PPFIBP1: variants seen among roughly 807,000 people sequenced by gnomAD.
PPFIBP1 encodes PPFIB scaffold protein 1.
A neutral mutation model predicts 137.8 loss-of-function variants in PPFIBP1; 112 were observed. The observed-to-expected ratio is 0.81, with a 90% CI of 0.70 to 0.95. The LOEUF (loss-of-function observed/expected upper bound fraction) is 0.95, where lower values mean the gene tolerates loss of function less well. Among genes scored for constraint, PPFIBP1 ranks in the 40% least tolerant of loss-of-function variants. The probability of loss-of-function intolerance (pLI) is 0.00; values close to 1 mark genes in which losing one functional copy is unlikely to be tolerated. For synonymous variants in PPFIBP1, 378 were observed against 417.3 expected, an observed-to-expected ratio of 0.91 and a Z score of 1.15; for missense variants, 1,083 against 1,196.6, an observed-to-expected ratio of 0.91 and a Z score of 1.40.
chr12:27,585,849 G>A (rs114897266), intron 2 of PPFIBP1, among the ~76,000 whole-genome samples: 237 of 152,276 alleles, frequency 1.6e-3, no homozygotes, highest in African/African-American at 5.3e-3. Flanking sequence ...GGTAGCAAAA[G>A]CATTGGAGCA....
At chr12:27,576,095 G>A (rs1326207060) in intron 1 of PPFIBP1, among the ~76,000 whole-genome samples, 1 of 152,144 alleles carries the variant, frequency 6.6e-6, no homozygotes. Flanking sequence ...TTTCTCTGGA[G>A]CACATTCAGG....
At chr12:27,578,658 G>A (rs552774489) in intron 2 of PPFIBP1, among the ~76,000 whole-genome samples, 404 of 152,236 alleles carry the variant, frequency 2.7e-3, no homozygotes, top group African/African-American at 9.0e-3. Context: ...ATGAGGTATT[G>A]GTTTCTCACA....
In PPFIBP1 at chr12:27,692,657, G is replaced by T; in HGVS notation, c.2931+1G>T. ...CTCTGAAGGCATCAACAATCTGACG[G>T]TGAGTTTGTGAAATGAATTGAAAAT... On this transcript the variant is annotated splice_donor_variant, in intron 29 of 29. Coordinates refer to ENST00000228425, the MANE Select transcript of PPFIBP1 (RefSeq NM_003622.4). LOFTEE classifies it high-confidence loss of function. 1 of 1,614,112 alleles carries T rather than the reference G, an allele frequency of 6.2e-7. No homozygotes were observed. The highest frequency in any genetic ancestry group is 2.2e-5 in the East Asian group (1 of 44,888).
intron 24 of PPFIBP1, among the ~76,000 whole-genome samples, chr12:27,683,811 G>A (rs932083244): frequency 3.3e-5 from 5 of 150,712 alleles, no homozygotes; most frequent in African/African-American, 4.9e-5. Context: ...ATTTTGAGAC[G>A]GAGTCTCGCT....
chr12:27,554,459 G>A (rs1170484481), intron 1 of PPFIBP1, among the ~76,000 whole-genome samples: 1 of 152,168 alleles, frequency 6.6e-6, no homozygotes, highest in South Asian at 2.1e-4. Context: ...AGAGACAGCT[G>A]ATGACAGTCA....
At chr12:27,634,731 A>G (rs1303247091) in intron 3 of PPFIBP1, among the ~76,000 whole-genome samples, 179 bp from the exon 4 acceptor site, 2 of 152,124 alleles carry the variant, frequency 1.3e-5, no homozygotes, top group African/African-American at 4.8e-5. Context: ...CACTAACTAC[A>G]TGGTTTTAAT....
intron 2 of PPFIBP1, among the ~76,000 whole-genome samples, chr12:27,592,206 G>A (rs750636673): frequency 1.7e-4 from 26 of 152,176 alleles, no homozygotes; most frequent in African/African-American, 4.8e-4. Flanking sequence ...TGGAGCTGTC[G>A]TCCTTTCTGT....
intron 1 of PPFIBP1, among the ~76,000 whole-genome samples, chr12:27,559,926 C>T (rs956191387): frequency 9.9e-5 from 15 of 152,140 alleles, no homozygotes; most frequent in Non-Finnish European, 1.9e-4. Context: ...TTCTTTCTCC[C>T]CTCAGAAACA....
At chr12:27,652,823 G>C (rs1565945343) in intron 7 of PPFIBP1, among the ~76,000 whole-genome samples, 1 of 152,150 alleles carries the variant, frequency 6.6e-6, no homozygotes, top group African/African-American at 2.4e-5. Flanking sequence ...TATCACTAAG[G>C]ACTCATATTA....
intron 21 of PPFIBP1, 79 bp downstream of exon 21, chr12:27,680,140 C>T: frequency 6.5e-7 from 1 of 1,537,794 alleles, no homozygotes. Context: ...TTAGTACTGT[C>T]ATTGGGTTAA....
chr12:27,606,625 G>A (rs560756385), intron 2 of PPFIBP1, among the ~76,000 whole-genome samples: 3 of 152,266 alleles, frequency 2.0e-5, no homozygotes, highest in South Asian at 4.2e-4. Context: ...TGTCTGGGCC[G>A]AAAATAAACA....
intron 5 of PPFIBP1, among the ~76,000 whole-genome samples, chr12:27,646,672 A>G (rs376193563): frequency 3.2e-4 from 48 of 152,288 alleles, no homozygotes; most frequent in Non-Finnish European, 4.7e-4. Context: ...TAATTTTTCA[A>G]TTTTAAAAAT....
At chr12:27,621,250 T>G (rs1488464492) in intron 2 of PPFIBP1, among the ~76,000 whole-genome samples, 1 of 152,280 alleles carries the variant, frequency 6.6e-6, no homozygotes, top group Non-Finnish European at 1.5e-5. Context: ...TGAATGTGAC[T>G]GTGTTCCAAA....
chr12:27,635,626 C>A (rs2057605317), intron 4 of PPFIBP1: 1 of 167,194 alleles, frequency 6.0e-6, no homozygotes, highest in Admixed American at 5.6e-5. Flanking sequence ...GGCCTTTAAC[C>A]CATTTATGCG....
intron 1 of PPFIBP1, among the ~76,000 whole-genome samples, chr12:27,554,524 T>C (rs1486390949): frequency 6.6e-6 from 1 of 152,190 alleles, no homozygotes; most frequent in Non-Finnish European, 1.5e-5. Context: ...AAGTTGATAA[T>C]GCTTTAAATA....
chr12:27,561,750 C>T (rs763891820), intron 1 of PPFIBP1, among the ~76,000 whole-genome samples: 1 of 152,108 alleles, frequency 6.6e-6, no homozygotes, highest in Non-Finnish European at 1.5e-5. Flanking sequence ...TGCACTTGCT[C>T]TTCTCTCTGC....
chr12:27,563,591 A>T (rs1241290932), intron 1 of PPFIBP1, among the ~76,000 whole-genome samples: 4 of 152,010 alleles, frequency 2.6e-5, no homozygotes, highest in Non-Finnish European at 5.9e-5. Flanking sequence ...CTTTGAAGGG[A>T]CCATAAGCCA....
At chr12:27,628,493 T>A (rs2057015952) in intron 2 of PPFIBP1, among the ~76,000 whole-genome samples, 1 of 152,174 alleles carries the variant, frequency 6.6e-6, no homozygotes, top group Admixed American at 6.5e-5. Flanking sequence ...ATGGTGAAGT[T>A]GTAATTTTCT....
intron 4 of PPFIBP1, chr12:27,637,030 G>T (rs1426198183): frequency 6.6e-6 from 1 of 152,138 alleles, no homozygotes; most frequent in Admixed American, 6.5e-5. Flanking sequence ...TCTCAGTGAG[G>T]CCTTGTATCA....
Sources: allele counts gnomAD v4.1 joint callset (sites outside exome capture counted in the v4.1 genomes callset), GRCh38; gene constraint gnomAD v4.1.1; transcripts MANE v1.5; gene names NCBI Gene and HGNC (gene_info 2026-07-23, HGNC 2026-07-21).